SCN9A: variants seen among roughly 807,000 people sequenced by gnomAD.
SCN9A encodes the protein sodium voltage-gated channel alpha subunit 9.
In SCN9A, 131 loss-of-function variants were observed where a neutral mutation model predicts 187.0. The ratio of observed to expected loss-of-function variants is 0.70; its 90% CI spans 0.61 to 0.81. The LOEUF is 0.81. SCN9A is among the 30% of genes least tolerant of loss of function. The pLI, the probability that SCN9A is intolerant of heterozygous loss-of-function variation, is 0.00. For synonymous variants in SCN9A, 809 were observed against 808.6 expected, an observed-to-expected ratio of 1.00 and a Z score of -0.01; for missense variants, 2,252 against 2,396.6, an observed-to-expected ratio of 0.94 and a Z score of 1.26.
chr2:166,242,400 T>G (rs1470278850), intron 19 of SCN9A, 102 bp downstream of exon 19: 1 of 1,057,586 alleles, frequency 9.5e-7, no homozygotes, highest in African/African-American at 1.6e-5. Flanking sequence ...TCATAGGGAT[T>G]AATTCTAGGT....
intron 1 of SCN9A, among the ~76,000 whole-genome samples, chr2:166,314,954 AT>A (rs1364736228): frequency 2.0e-5 from 3 of 152,218 alleles, no homozygotes; most frequent in Non-Finnish European, 4.4e-5. Context: ...TAAAATGGTG[AT>A]TTTTTATGGT....
intron 1 of SCN9A, among the ~76,000 whole-genome samples, chr2:166,315,231 C>A (rs1699080151): frequency 6.6e-6 from 1 of 152,160 alleles, no homozygotes; most frequent in Non-Finnish European, 1.5e-5. Context: ...GCTTGAATAA[C>A]TGGTGTTTTT....
intron 7 of SCN9A, chr2:166,301,327 A>G (rs1053424143): frequency 3.3e-5 from 5 of 150,684 alleles, no homozygotes; most frequent in Admixed American, 3.3e-4. Context: ...GCTTCAGCCA[A>G]CCACAGCCTG....
In SCN9A at chr2:166,332,035, T is replaced by C. The variant is rs75273355; in HGVS notation, c.-50-20229A>G. 3.7e-3 allele frequency among the ~76,000 whole-genome samples: 558 copies of C among 152,312 alleles called. 12 individuals are homozygous for C. The East Asian group carries it at 0.07, about 19-fold the overall frequency. On this transcript the variant is annotated intron_variant, in intron 1 of 26. Coordinates refer to ENST00000642356, the MANE Select transcript of SCN9A (RefSeq NM_001365536.1). ...AAAGCTAAAGTGACTAAAGTGACTATATTTCCATTCCACTCCTGTTATTTT... is the reference window on the plus strand; with the variant it reads ...AAAGCTAAAGTGACTAAAGTGACTACATTTCCATTCCACTCCTGTTATTTT...
At chr2:166,267,684 G>T (rs1408245570) in intron 17 of SCN9A, among the ~76,000 whole-genome samples, 1 of 151,878 alleles carries the variant, frequency 6.6e-6, no homozygotes, top group Non-Finnish European at 1.5e-5. Context: ...AAGCCATGTG[G>T]TCCTGGACTT....
intron 17 of SCN9A, among the ~76,000 whole-genome samples, chr2:166,263,668 G>C (rs1314773422): frequency 2.6e-5 from 4 of 151,924 alleles, no homozygotes; most frequent in African/African-American, 7.2e-5. Flanking sequence ...TCCTAACCCT[G>C]GCATGTTTGA....
intron 1 of SCN9A, among the ~76,000 whole-genome samples, chr2:166,367,508 A>G (rs1340353813): frequency 2.0e-5 from 3 of 152,044 alleles, no homozygotes; most frequent in African/African-American, 7.3e-5. Context: ...TCAAGTGATC[A>G]GCCTGCCTCA....
At chr2:166,332,173 C>T (rs1223455722) in intron 1 of SCN9A, among the ~76,000 whole-genome samples, 3 of 152,102 alleles carry the variant, frequency 2.0e-5, no homozygotes, top group Non-Finnish European at 2.9e-5. Flanking sequence ...TTCCCTTGTG[C>T]TGGGTCTATG....
At chr2:166,297,963 G>A (rs115282670) in intron 7 of SCN9A, among the ~76,000 whole-genome samples, 1,669 of 149,524 alleles carry the variant, frequency 0.011, 20 homozygotes, top group South Asian at 0.018. Flanking sequence ...CAAGATTAAT[G>A]TAGCAAAATA....
intron 10 of SCN9A, among the ~76,000 whole-genome samples, chr2:166,288,096 T>TAG (rs1559014228): frequency 3.5e-5 from 1 of 28,484 alleles, no homozygotes; most frequent in Non-Finnish European, 5.6e-5. Flanking sequence ...CATGTGTTTA[T>TAG]ATATATATAT....
In SCN9A at chr2:166,304,239, T is replaced by C. The variant is rs747708818; in HGVS notation, c.687A>G (p.Pro229=). The C allele has an allele frequency of 6.8e-6, 11 of 1,612,920 alleles. No individual in the cohort carries two copies. The East Asian group carries it at 2.0e-4, about 29-fold the overall frequency. ...TGCTTCACACCAATTACTTCTTACC[T>C]GGGATTACAGAAATAGTTTTCAAAG... ...LRALKTISVI[P]GLKTIVGALI... Residue 229 remains proline (P), a splice_region_variant and synonymous_variant, in exon 6 of 27, where the codon CCA becomes CCG. Coordinates refer to ENST00000642356, the MANE Select transcript of SCN9A (RefSeq NM_001365536.1).
chr2:166,210,880 C>A (rs971042031), intron 24 of SCN9A, among the ~76,000 whole-genome samples: 2 of 151,768 alleles, frequency 1.3e-5, no homozygotes, highest in Admixed American at 1.3e-4. Context: ...GCCAACATGG[C>A]AAAACCACAT....
At chr2:166,244,856 C>A (rs918157231) in intron 18 of SCN9A, among the ~76,000 whole-genome samples, 12 of 152,014 alleles carry the variant, frequency 7.9e-5, no homozygotes, top group African/African-American at 2.9e-4. Context: ...AATCTCCAAG[C>A]ACTACAAATG....
At chr2:166,334,853 T>C (rs951451409) in intron 1 of SCN9A, among the ~76,000 whole-genome samples, 3 of 152,162 alleles carry the variant, frequency 2.0e-5, no homozygotes, top group Non-Finnish European at 2.9e-5. Flanking sequence ...TTGTATGATA[T>C]ACAAAGTGGA....
chr2:166,264,544 C>T (rs1696651262), intron 17 of SCN9A, among the ~76,000 whole-genome samples: 1 of 151,916 alleles, frequency 6.6e-6, no homozygotes, highest in African/African-American at 2.4e-5. Flanking sequence ...TTTGACTAAA[C>T]CGTTTGTTTT....
At chr2:166,324,960 G>T (rs181175263) in intron 1 of SCN9A, among the ~76,000 whole-genome samples, 8 of 152,184 alleles carry the variant, frequency 5.3e-5, no homozygotes, top group Admixed American at 5.2e-4. Context: ...TAGGGTAAGG[G>T]CATTTGTTAA....
In SCN9A at chr2:166,227,662, A is replaced by G. The variant is rs564551267; in HGVS notation, c.4260+8T>C. On this transcript the variant is annotated splice_region_variant and intron_variant, in intron 23 of 26. Coordinates refer to ENST00000642356, the MANE Select transcript of SCN9A (RefSeq NM_001365536.1). ...ATAAAGTTTAGTGCTAAGATAATCAATACTTACATTAACAGAATCCACTGC... is the reference window on the plus strand; with the variant it reads ...ATAAAGTTTAGTGCTAAGATAATCAGTACTTACATTAACAGAATCCACTGC... 6.8e-7 allele frequency: 1 copy of G among 1,479,648 alleles called. No homozygotes were observed. Among genetic ancestry groups the G allele is most frequent in the South Asian group, 1.2e-5 (1 of 82,752 alleles). 91.7% of individuals were successfully genotyped at this position (1,479,648 alleles called of 1,614,324 possible).
At position 166,242,657 on chromosome 2, in the gene SCN9A, C is replaced by G; in HGVS notation, c.3473-1G>C. 3 of 1,545,450 alleles carry G rather than the reference C, an allele frequency of 1.9e-6. No homozygotes were observed. The highest frequency in any genetic ancestry group is 2.6e-6 in the Non-Finnish European group (3 of 1,143,246). On this transcript the variant is annotated splice_acceptor_variant, in intron 18 of 26. Transcript: ENST00000642356. LOFTEE classifies it high-confidence loss of function. ...CAGCATGAGAACCTCCATACACAAC[C>G]TGACAAGAAAGACATGCATGTTAAA...
intron 20 of SCN9A, among the ~76,000 whole-genome samples, chr2:166,233,679 G>A (rs1314833122): frequency 6.6e-6 from 1 of 151,916 alleles, no homozygotes; most frequent in Non-Finnish European, 1.5e-5. Context: ...AATAATGTAA[G>A]CAAAGTAAGT....
Sources: allele counts gnomAD v4.1 joint callset (sites outside exome capture counted in the v4.1 genomes callset), GRCh38; gene constraint gnomAD v4.1.1; transcripts MANE v1.5; gene names NCBI Gene and HGNC (gene_info 2026-07-23, HGNC 2026-07-21).